Variants in PEX14 observed in about 807,000 individuals in gnomAD.
The protein encoded by PEX14 is peroxisomal biogenesis factor 14.
A neutral mutation model predicts 49.5 loss-of-function variants in PEX14; 15 were observed. That is an observed-to-expected ratio of 0.30 (90% confidence interval 0.20 to 0.47). The LOEUF is 0.47. Among genes scored for constraint, PEX14 ranks in the 20% least tolerant of loss-of-function variants. The probability of loss-of-function intolerance (pLI) is 1.00; values close to 1 mark genes in which losing one functional copy is unlikely to be tolerated. For missense variants in PEX14, 398 were observed against 494.8 expected (o/e 0.80, Z 1.86); for synonymous variants, 210 against 212.7 (o/e 0.99, Z 0.11).
At chr1:10,626,854 A>G (rs1478200715) in intron 7 of PEX14, among the ~76,000 whole-genome samples, 1 of 152,212 alleles carries the variant, frequency 6.6e-6, no homozygotes, top group Non-Finnish European at 1.5e-5. Context: ...TTTATTTGGA[A>G]AACAGTGTTA....
chr1:10,563,921 A>AG (rs1639729259), intron 3 of PEX14, among the ~76,000 whole-genome samples: 1 of 151,406 alleles, frequency 6.6e-6, no homozygotes, highest in Non-Finnish European at 1.5e-5. Context: ...AAAAAAGAAA[A>AG]AAAAAAAGTT....
chr1:10,566,124 G>A (rs1639797781), intron 3 of PEX14, among the ~76,000 whole-genome samples: 1 of 152,178 alleles, frequency 6.6e-6, no homozygotes, highest in African/African-American at 2.4e-5. Flanking sequence ...CAGCTCCCCA[G>A]TACTTTCAAT....
chr1:10,485,318 T>TG (rs1641349047), intron 1 of PEX14, among the ~76,000 whole-genome samples: 1 of 149,224 alleles, frequency 6.7e-6, no homozygotes, highest in African/African-American at 2.5e-5. Flanking sequence ...TTTTTTTTTT[T>TG]TTTTTAAGAG....
chr1:10,517,219 G>C (rs5005737), intron 2 of PEX14: 64,168 of 151,886 alleles, frequency 0.42, 14,744 homozygotes, highest in East Asian at 0.53. Flanking sequence ...CTTCCCTTAA[G>C]TTCCAAGAAC....
chr1:10,487,055 T>A (rs911913960), intron 1 of PEX14, among the ~76,000 whole-genome samples: 1 of 152,172 alleles, frequency 6.6e-6, no homozygotes, highest in Non-Finnish European at 1.5e-5. Flanking sequence ...TTGTCTCTAT[T>A]GAGTTGATCC....
chr1:10,627,670 G>A (rs894855461), intron 8 of PEX14, among the ~76,000 whole-genome samples: 26 of 152,358 alleles, frequency 1.7e-4, no homozygotes, highest in African/African-American at 5.5e-4. Flanking sequence ...GAACTTCCTG[G>A]TTTGGCTCCT....
chr1:10,562,117 T>G (rs1005550272), intron 3 of PEX14, among the ~76,000 whole-genome samples: 2 of 152,130 alleles, frequency 1.3e-5, no homozygotes, highest in African/African-American at 4.8e-5. Context: ...GAACTCCTGG[T>G]CTTTAGCAAT....
Position 10,474,971 on chromosome 1 carries a change from C to T in PEX14, c.5C>T (p.Ala2Val), listed in dbSNP as rs1641166241. The change falls in exon 1 of 9, where the codon GCG becomes GTG. Residue 2 changes from alanine to valine, a missense_variant. Coordinates refer to ENST00000356607, the MANE Select transcript of PEX14 (RefSeq NM_004565.3). ...GATTAGTCAGGCCTCAGAAAGATGG[C>T]GTCCTCGGAGCAGGCAGAGCAGCCG... M[A>V]SSEQAEQPSQ... is the part of the protein sequence containing the mutation. The T allele has an allele frequency of 1.2e-6, 2 of 1,608,356 alleles. No homozygotes were observed. Among genetic ancestry groups the T allele is most frequent in the Non-Finnish European group, 1.7e-6 (2 of 1,177,676 alleles).
At chr1:10,519,882 C>T (rs1480731635) in intron 2 of PEX14, among the ~76,000 whole-genome samples, 1 of 152,032 alleles carries the variant, frequency 6.6e-6, no homozygotes, top group African/African-American at 2.4e-5. Flanking sequence ...CCGAAGTGAT[C>T]CTCCCGCCTC....
intron 3 of PEX14, among the ~76,000 whole-genome samples, chr1:10,546,725 C>T (rs1192237339): frequency 1.3e-5 from 2 of 150,774 alleles, no homozygotes; most frequent in Non-Finnish European, 3.0e-5. Context: ...AAAAATCAGC[C>T]GTGCGTGGTG....
intron 3 of PEX14, among the ~76,000 whole-genome samples, chr1:10,568,870 G>T (rs977902162): frequency 1.3e-5 from 2 of 152,022 alleles, no homozygotes; most frequent in Non-Finnish European, 2.9e-5. Flanking sequence ...CTCCCAAGTA[G>T]CTGGGATTAC....
At chr1:10,560,735 T>TTTTTTG (rs1639628874) in intron 3 of PEX14, among the ~76,000 whole-genome samples, 1 of 149,604 alleles carries the variant, frequency 6.7e-6, no homozygotes. Flanking sequence ...TTTTTTTTTT[T>TTTTTTG]GAGACGGAGT....
In PEX14 at chr1:10,480,472, C is replaced by T. The variant is rs374032114; in HGVS notation, c.36+5470C>T. Among the ~76,000 whole-genome samples, 6 of 147,974 alleles carry T rather than the reference C, an allele frequency of 4.1e-5. No homozygotes were observed. The East Asian group carries it at 9.9e-4, about 24-fold the overall frequency. On this transcript the variant is annotated intron_variant, in intron 1 of 8. Coordinates refer to ENST00000356607, the MANE Select transcript of PEX14 (RefSeq NM_004565.3). The stretch of plus-strand genomic sequence containing the variant: ...ACAGTGGCACAATCTCGGCTCACTG[C>T]AACCTCTGCCTCCTGGGTTCAAGCG...
chr1:10,536,036 G>A (rs2124481778), intron 2 of PEX14, 177 bp from the exon 3 acceptor site: 2 of 625,520 alleles, frequency 3.2e-6, no homozygotes, highest in African/African-American at 1.8e-5. Context: ...GTGAAGACAG[G>A]GAAACAACAT....
chr1:10,626,950 A>G (rs1223573466), intron 7 of PEX14, among the ~76,000 whole-genome samples: 2 of 152,324 alleles, frequency 1.3e-5, no homozygotes, highest in East Asian at 3.9e-4. Context: ...ACCATCTTAA[A>G]TCCCAGACAT....
At chr1:10,543,207 T>C (rs2124495382) in intron 3 of PEX14, among the ~76,000 whole-genome samples, 1 of 152,346 alleles carries the variant, frequency 6.6e-6, no homozygotes. Context: ...CAATCTCGAC[T>C]CACTGCAGCT....
In PEX14 at chr1:10,528,315, A is replaced by G. The variant is rs1161401594; in HGVS notation, c.85-7898A>G. 3 of 983,236 alleles carry G rather than the reference A, an allele frequency of 3.1e-6. No homozygotes were observed. In the African/African-American group the frequency reaches 5.2e-5, roughly 17 times the overall value. The allele number at this position is 983,236 out of a possible 1,614,324, so 60.9% of individuals were successfully genotyped here. On this transcript the variant is annotated intron_variant, in intron 2 of 8. Transcript: ENST00000356607. ...CTGGCCGAACTTCAAAAGAAGTGGA[A>G]GCTGAAGCAGGGTTTCATCTGCTGA...
chr1:10,510,596 C>T (rs1392795230), intron 2 of PEX14, among the ~76,000 whole-genome samples: 5 of 152,172 alleles, frequency 3.3e-5, no homozygotes, highest in Non-Finnish European at 7.3e-5. Flanking sequence ...ATATATTTTG[C>T]ATGTGTGTTT....
chr1:10,582,470 A>G (rs1163198101), intron 3 of PEX14, among the ~76,000 whole-genome samples: 1 of 152,172 alleles, frequency 6.6e-6, no homozygotes, highest in African/African-American at 2.4e-5. Context: ...CCAGAGGAGT[A>G]TTGTCTAGAT....
Sources: allele counts gnomAD v4.1 joint callset (sites outside exome capture counted in the v4.1 genomes callset), GRCh38; gene constraint gnomAD v4.1.1; transcripts MANE v1.5; gene names NCBI Gene and HGNC (gene_info 2026-07-23, HGNC 2026-07-21).